Variants in SLC24A3 observed in about 807,000 individuals in gnomAD.
The protein encoded by SLC24A3 is sodium/potassium/calcium exchanger 3.
SLC24A3 carries 28 observed loss-of-function variants against 75.8 expected under a neutral mutation model. That is an observed-to-expected ratio of 0.37 (90% CI 0.27 to 0.51). The LOEUF (loss-of-function observed/expected upper bound fraction) is 0.51, where lower values mean the gene tolerates loss of function less well. Among genes scored for constraint, SLC24A3 ranks in the 20% least tolerant of loss-of-function variants. The pLI, the probability that SLC24A3 is intolerant of heterozygous loss-of-function variation, is 0.94. For missense variants in SLC24A3, 663 were observed against 847.8 expected (o/e 0.78, Z 2.71); for synonymous variants, 372 against 334.1 (o/e 1.11, Z -1.24).
chr20:19,439,452 A>T (rs556184691), intron 2 of SLC24A3, among the ~76,000 whole-genome samples: 1 of 152,288 alleles, frequency 6.6e-6, no homozygotes. Context: ...ACAAAACAAA[A>T]CCACAGATAG....
chr20:19,272,036 C>T (rs1983345111), intron 1 of SLC24A3, among the ~76,000 whole-genome samples: 1 of 152,230 alleles, frequency 6.6e-6, no homozygotes, highest in African/African-American at 2.4e-5. Flanking sequence ...TTCAGGTGGC[C>T]ACTCCCATGT....
At chr20:19,681,035 C>T (rs982322717) in intron 9 of SLC24A3, among the ~76,000 whole-genome samples, 1 of 152,230 alleles carries the variant, frequency 6.6e-6, no homozygotes, top group Non-Finnish European at 1.5e-5. Flanking sequence ...GGAAACTGTG[C>T]CTGGCTGTCT....
rs554830842 is a variant in SLC24A3, at chr20:19,272,916, T to C, written c.143-8043T>C. Among the ~76,000 whole-genome samples, 5 of 152,060 alleles carry C rather than the reference T, an allele frequency of 3.3e-5. No homozygotes were observed. In the East Asian group the frequency reaches 9.7e-4, roughly 30 times the overall value. ...TCAGGGACGGGTGATGGAGTAAAGA[T>C]GGACAGGTTTTTGTGAAGGAAGTCC... On this transcript the variant is annotated intron_variant, in intron 1 of 16. Transcript: ENST00000328041.
intron 7 of SLC24A3, among the ~76,000 whole-genome samples, chr20:19,664,955 A>G (rs1215819506): frequency 2.6e-5 from 4 of 152,234 alleles, no homozygotes; most frequent in Admixed American, 6.5e-5. Context: ...CAAGCCTAGG[A>G]AAATTACTTA....
intron 2 of SLC24A3, among the ~76,000 whole-genome samples, chr20:19,466,977 G>A (rs1174668668): frequency 6.6e-6 from 1 of 152,136 alleles, no homozygotes; most frequent in East Asian, 1.9e-4. Context: ...TCTAGTTAGG[G>A]GATACAGGCA....
At chr20:19,488,805 G>A (rs768642291) in intron 2 of SLC24A3, among the ~76,000 whole-genome samples, 1 of 152,098 alleles carries the variant, frequency 6.6e-6, no homozygotes, top group Non-Finnish European at 1.5e-5. Flanking sequence ...CAGGCCCTGA[G>A]GGTAATTTTA....
Position 19,693,395 on chromosome 20 carries a change from C to A in SLC24A3, c.1461C>A (p.Ile487=). 1 of 1,614,088 alleles carries A rather than the reference C, an allele frequency of 6.2e-7. No homozygotes were observed. The highest frequency in any genetic ancestry group is 8.5e-7 in the Non-Finnish European group (1 of 1,180,000). ...MVTFASSTLW[I]AAFSYMMVWM... ...CGTTTGCTTCCTCCACGCTGTGGATCGCAGCCTTCTCCTACATGATGGTGT... is the reference window on the plus strand; with the variant it reads ...CGTTTGCTTCCTCCACGCTGTGGATAGCAGCCTTCTCCTACATGATGGTGT... Residue 487 remains isoleucine, a synonymous_variant, in exon 13 of 17, where the codon ATC becomes ATA. Transcript: ENST00000328041.
intron 3 of SLC24A3, among the ~76,000 whole-genome samples, chr20:19,521,240 C>T (rs1203597048): frequency 6.6e-6 from 1 of 152,154 alleles, no homozygotes; most frequent in Non-Finnish European, 1.5e-5. Context: ...GTGCACTTGC[C>T]CTGCTTCTTC....
intron 12 of SLC24A3, among the ~76,000 whole-genome samples, chr20:19,686,209 C>T (rs758408609): frequency 1.3e-5 from 2 of 152,192 alleles, no homozygotes; most frequent in Non-Finnish European, 2.9e-5. Flanking sequence ...AGGAGAGGCA[C>T]GTCACTCACC....
Position 19,685,338 on chromosome 20 carries a change from C to A in SLC24A3, c.1301C>A (p.Pro434Gln). ...GAGGACGAGGATGATGATGAAGGACCGTACACACCATTCGACACCCCCTGT... is the reference window on the plus strand; with the variant it reads ...GAGGACGAGGATGATGATGAAGGACAGTACACACCATTCGACACCCCCTGT... ...EEEDEDDDEGPYTPFDTPSGK... is the reference protein window; with the variant it reads ...EEEDEDDDEGQYTPFDTPSGK... Residue 434 changes from proline (P) to glutamine (Q), a missense_variant, in exon 12 of 17, where the codon CCG becomes CAG. Transcript: ENST00000328041. The A allele has an allele frequency of 1.2e-6, 2 of 1,614,024 alleles. No individual in the cohort carries two copies. Among genetic ancestry groups the A allele is most frequent in the Non-Finnish European group, 1.7e-6 (2 of 1,179,940 alleles).
chr20:19,228,276 GCT>G (rs1453472705), intron 1 of SLC24A3, among the ~76,000 whole-genome samples: 6 of 152,050 alleles, frequency 3.9e-5, no homozygotes, highest in African/African-American at 1.5e-4. Context: ...GATCCCCTTG[GCT>G]ATTAGTGACA....
intron 3 of SLC24A3, among the ~76,000 whole-genome samples, chr20:19,567,326 T>C (rs1331063884): frequency 3.3e-5 from 5 of 152,190 alleles, no homozygotes; most frequent in Non-Finnish European, 7.3e-5. Flanking sequence ...ATATACACGA[T>C]GGAATTCTAC....
At chr20:19,565,680 C>A (rs543839952) in intron 3 of SLC24A3, among the ~76,000 whole-genome samples, 3 of 152,066 alleles carry the variant, frequency 2.0e-5, no homozygotes, top group African/African-American at 7.3e-5. Context: ...TGTATTGATT[C>A]CTATCACCTG....
intron 12 of SLC24A3, among the ~76,000 whole-genome samples, chr20:19,689,359 CT>C (rs1262229497): frequency 6.6e-6 from 1 of 152,160 alleles, no homozygotes; most frequent in Non-Finnish European, 1.5e-5. Context: ...GAAACAAATC[CT>C]TTTGCTTGTT....
intron 2 of SLC24A3, among the ~76,000 whole-genome samples, chr20:19,288,563 A>C (rs1202609621): frequency 6.6e-6 from 1 of 152,226 alleles, no homozygotes; most frequent in Non-Finnish European, 1.5e-5. Flanking sequence ...TAGACATTTC[A>C]AAGCATTTTC....
At chr20:19,280,829 G>C in intron 1 of SLC24A3, 130 bp from the exon 2 acceptor site, 2 of 1,316,336 alleles carry the variant, frequency 1.5e-6, no homozygotes, top group Non-Finnish European at 2.1e-6. Flanking sequence ...CAGGCAGCTA[G>C]AGGCAGAGTG....
chr20:19,290,302 C>T (rs776231861), intron 2 of SLC24A3, among the ~76,000 whole-genome samples: 25 of 152,136 alleles, frequency 1.6e-4, no homozygotes, highest in Non-Finnish European at 3.5e-4. Flanking sequence ...AAGCAGGTGT[C>T]AGAGGTTTTC....
chr20:19,272,022 C>T (rs1379666068), intron 1 of SLC24A3, among the ~76,000 whole-genome samples: 2 of 152,230 alleles, frequency 1.3e-5, no homozygotes, highest in African/African-American at 4.8e-5. Context: ...CGGGAGAAAG[C>T]GTATTCAGGT....
At chr20:19,478,238 T>C (rs1221883644) in intron 2 of SLC24A3, among the ~76,000 whole-genome samples, 3 of 152,090 alleles carry the variant, frequency 2.0e-5, no homozygotes, top group African/African-American at 7.2e-5. Flanking sequence ...CTGGGAGAAA[T>C]GAAGTGCAGG....
Sources: allele counts gnomAD v4.1 joint callset (sites outside exome capture counted in the v4.1 genomes callset), GRCh38; gene constraint gnomAD v4.1.1; transcripts MANE v1.5; gene names NCBI Gene and HGNC (gene_info 2026-07-23, HGNC 2026-07-21).